Variants in GSTK1 observed in about 807,000 individuals in gnomAD.
GSTK1 encodes glutathione S-transferase kappa 1.
In GSTK1, 25 loss-of-function variants were observed where a neutral mutation model predicts 30.9. The ratio of observed to expected loss-of-function variants is 0.81; its 90% CI spans 0.59 to 1.13. The LOEUF is 1.13. GSTK1 is among the 50% of genes most tolerant of loss of function. The probability of loss-of-function intolerance (pLI) is 0.00; values close to 1 mark genes in which losing one functional copy is unlikely to be tolerated. For synonymous variants in GSTK1, 108 were observed against 112.5 expected (o/e 0.96, Z 0.25); for missense variants, 292 against 292.4 (o/e 1.00, Z 0.01).
At position 143,267,631 on chromosome 7, in the gene GSTK1, T is replaced by C; in HGVS notation, c.435T>C (p.Ala145=). The C allele has an allele frequency of 6.2e-7, 1 of 1,613,190 alleles. No individual in the cohort carries two copies. The highest frequency in any genetic ancestry group is 8.5e-7 in the Non-Finnish European group (1 of 1,179,142). ...TATTCCCTTAGGCTGCAGAGAAGGC[T>C]GGTATGTCTGCAGAACAAGCCCAGG... The part of the protein sequence containing the change: ...PQSILAAAEK[A]GMSAEQAQGL... The change falls in exon 6 of 8, where the codon GCT becomes GCC. Residue 145 remains alanine, a synonymous_variant. Transcript: ENST00000358406.
At chr7:143,263,715 G>C in intron 1 of GSTK1, 130 bp downstream of exon 1, 1 of 794,690 alleles carries the variant, frequency 1.3e-6, no homozygotes, top group Non-Finnish European at 2.0e-6. Context: ...CAAGCAGGGA[G>C]AGCTCCGGGG....
At chr7:143,265,954 T>C (rs1586425849) in intron 5 of GSTK1, among the ~76,000 whole-genome samples, 1 of 151,734 alleles carries the variant, frequency 6.6e-6, no homozygotes, top group East Asian at 1.9e-4. Flanking sequence ...TTCTACAGTC[T>C]ATACTCCTGC....
rs774553286 is a variant in GSTK1, at chr7:143,268,783, T to C, written c.632-5T>C. ...TGTGCAGAGTCTGTTGTTTTCTTCA[T>C]CCAGGAGAGAAGTGGATGGGCCCTA... On this transcript the variant is annotated splice_region_variant and splice_polypyrimidine_tract_variant and intron_variant, in intron 7 of 7. Coordinates refer to ENST00000358406, the MANE Select transcript of GSTK1 (RefSeq NM_015917.3). This position sits in a 1 kb window ranked among gnomAD's most constrained non-coding sequence, Gnocchi z 4.1. 1.2e-6 allele frequency: 2 copies of C among 1,613,910 alleles called. No individual in the cohort carries two copies. Among genetic ancestry groups the C allele is most frequent in the Admixed American group, 3.3e-5 (2 of 60,016 alleles).
chr7:143,265,737 A>G (rs1334830568), intron 5 of GSTK1, among the ~76,000 whole-genome samples: 1 of 152,198 alleles, frequency 6.6e-6, no homozygotes, highest in Non-Finnish European at 1.5e-5. Context: ...AGCCTGAGTG[A>G]GAACAAATGG....
chr7:143,264,220 C>T, intron 2 of GSTK1, 53 bp downstream of exon 2: 1 of 1,469,532 alleles, frequency 6.8e-7, no homozygotes, highest in Non-Finnish European at 9.5e-7. Context: ...AGAGAGCCGA[C>T]CCCAGCGGGT....
rs1471150037 is a variant in GSTK1 at position 143,268,849 on chromosome 7, G to A, written c.*12G>A. The A allele has an allele frequency of 3.7e-6, 6 of 1,612,866 alleles. No homozygotes were observed. In the African/African-American group the frequency reaches 8.0e-5, roughly 22 times the overall value. On this transcript the variant is annotated 3_prime_UTR_variant, in exon 8 of 8. Coordinates refer to ENST00000358406, the MANE Select transcript of GSTK1 (RefSeq NM_015917.3). The surrounding 1 kb of genome is among the most constrained non-coding windows in gnomAD (Gnocchi z 4.1). ...ATGCCAGACTTTAAGATTGCCCGGA[G>A]GAAGCAAACTCTTCGTATAAAAAAA...
At chr7:143,267,590 G>A (rs1228235356) in intron 5 of GSTK1, 27 bp from the exon 6 acceptor site, 6 of 1,509,994 alleles carry the variant, frequency 4.0e-6, no homozygotes, top group Non-Finnish European at 5.5e-6. Flanking sequence ...TGCAGACACA[G>A]TTGTATTCCC....
rs114578256 is a variant in GSTK1, at chr7:143,264,136, C to T, written c.123C>T (p.Pro41=). 4.4e-4 allele frequency: 708 copies of T among 1,614,072 alleles called. 5 individuals carry two copies. In the African/African-American group the frequency reaches 8.1e-3, roughly 18 times the overall value. ...GGAACATCAACCTGCAGTTGCGGCCCAGCCTCATAACAGGGATCATGAAAG... is the reference window on the plus strand; with the variant it reads ...GGAACATCAACCTGCAGTTGCGGCCTAGCCTCATAACAGGGATCATGAAAG... ...NIWNINLQLR[P]SLITGIMKDS... Residue 41 remains proline, a synonymous_variant, in exon 2 of 8, where the codon CCC becomes CCT. Coordinates refer to ENST00000358406, the MANE Select transcript of GSTK1 (RefSeq NM_015917.3).
chr7:143,267,399 T>G (rs1369689959), intron 5 of GSTK1, among the ~76,000 whole-genome samples: 1 of 152,214 alleles, frequency 6.6e-6, no homozygotes, highest in Non-Finnish European at 1.5e-5. Flanking sequence ...TTTCTGTGAT[T>G]GACTCTGTGC....
intron 3 of GSTK1, 86 bp downstream of exon 3, chr7:143,264,762 G>C: frequency 6.5e-7 from 1 of 1,546,170 alleles, no homozygotes; most frequent in Non-Finnish European, 8.9e-7. Flanking sequence ...AGGGGCTGCG[G>C]GAGACTAAAG....
intron 3 of GSTK1, 100 bp downstream of exon 3, chr7:143,264,776 G>A: frequency 6.7e-7 from 1 of 1,502,820 alleles, no homozygotes. Flanking sequence ...ACTAAAGCAA[G>A]TGAAGCCTGC....
chr7:143,264,116 A>T lies in GSTK1; in HGVS notation c.103A>T (p.Ile35Phe), dbSNP rs763445273. The change falls in exon 2 of 8, where the codon ATC (isoleucine) becomes TTC (phenylalanine). Residue 35 changes from isoleucine (I) to phenylalanine (F), a missense_variant. Ile to Phe is a conservative substitution (Grantham distance 21). Transcript: ENST00000358406. The stretch of plus-strand genomic sequence containing the variant: ...GTGCCGGTATCAGAATATCTGGAAC[A>T]TCAACCTGCAGTTGCGGCCCAGCCT... ...ILCRYQNIWN[I>F]NLQLRPSLIT... 6.2e-7 allele frequency: 1 copy of T among 1,614,126 alleles called. No homozygotes were observed. Among genetic ancestry groups the T allele is most frequent in the Non-Finnish European group, 8.5e-7 (1 of 1,180,002 alleles).
At chr7:143,268,000 G>A in intron 6 of GSTK1, 91 bp from the exon 7 acceptor site, 1 of 987,334 alleles carries the variant, frequency 1.0e-6, no homozygotes, top group South Asian at 1.5e-5. Context: ...TTGCTTCTGT[G>A]AACTCAGAAA....
intron 4 of GSTK1, 36 bp downstream of exon 4, chr7:143,265,128 C>G (rs140666496): frequency 7.9e-5 from 127 of 1,613,826 alleles, no homozygotes; most frequent in Middle Eastern, 4.9e-4. Context: ...CTGGGAGGAC[C>G]TTGGATGACT....
intron 5 of GSTK1, among the ~76,000 whole-genome samples, chr7:143,265,914 G>A (rs1484539820): frequency 6.7e-6 from 1 of 150,324 alleles, no homozygotes; most frequent in Admixed American, 6.6e-5. Context: ...TCACACAAAA[G>A]TTAAACGTAT....
rs1800798813 is a variant in GSTK1 at position 143,264,127 on chromosome 7, G to T, written c.114G>T (p.Gln38His). 2 of 1,613,968 alleles carry T rather than the reference G, an allele frequency of 1.2e-6. No homozygotes were observed. The highest frequency in any genetic ancestry group is 1.7e-6 in the Non-Finnish European group (2 of 1,180,016). ...AGAATATCTGGAACATCAACCTGCAGTTGCGGCCCAGCCTCATAACAGGGA... is the reference window on the plus strand; with the variant it reads ...AGAATATCTGGAACATCAACCTGCATTTGCGGCCCAGCCTCATAACAGGGA... ...RYQNIWNINL[Q>H]LRPSLITGIM... The change falls in exon 2 of 8, where the codon CAG (glutamine) becomes CAT (histidine). Residue 38 changes from glutamine (Q) to histidine (H), a missense_variant. Coordinates refer to ENST00000358406, the MANE Select transcript of GSTK1 (RefSeq NM_015917.3).
chr7:143,267,873 T>C, intron 6 of GSTK1, 140 bp downstream of exon 6: 1 of 667,554 alleles, frequency 1.5e-6, no homozygotes, highest in Non-Finnish European at 2.6e-6. Context: ...AACCCTCATC[T>C]TCTTCCTTCT....
At position 143,265,024 on chromosome 7, in the gene GSTK1, G is replaced by A. The variant is rs747358924; in HGVS notation, c.316G>A (p.Val106Met). The change falls in exon 4 of 8, where the codon GTG (valine) becomes ATG (methionine). Residue 106 changes from valine (V) to methionine (M), a missense_variant. Physicochemically the swap from Val to Met is conservative, Grantham distance 21. Transcript: ENST00000358406. ...SLSAMRFLTA[V>M]NLEHPEMLEK... Reference sequence around the variant, plus strand: ...GTCTGCCATGCGTTTCCTCACCGCCGTGAACTTGGAGCATCCAGAGATGCT... The same window carrying A: ...GTCTGCCATGCGTTTCCTCACCGCCATGAACTTGGAGCATCCAGAGATGCT... 8 of 1,614,034 alleles carry A rather than the reference G, an allele frequency of 5.0e-6. No individual in the cohort carries two copies. The Admixed American group carries it at 6.7e-5, about 13-fold the overall frequency.
chr7:143,266,204 T>C (rs1030368266), intron 5 of GSTK1, among the ~76,000 whole-genome samples: 2 of 151,988 alleles, frequency 1.3e-5, no homozygotes, highest in African/African-American at 4.8e-5. Context: ...CTAACTTTTT[T>C]ATTTTTTGTA....
Sources: gnomAD v4.1 joint callset for allele counts (sites outside exome capture counted in the v4.1 genomes callset) on GRCh38, gnomAD v4.1.1 for gene constraint, Gnocchi (gnomAD v3.1) non-coding constraint, MANE v1.5 for transcripts, NCBI Gene and HGNC (gene_info 2026-07-23, HGNC 2026-07-21) for gene names.